PLEKHG7: variants seen among roughly 807,000 people sequenced by gnomAD.
PLEKHG7 encodes pleckstrin homology domain-containing family G member 7.
PLEKHG7 carries 77 observed loss-of-function variants against 85.2 expected under a neutral mutation model. The ratio of observed to expected loss-of-function variants is 0.90; its 90% CI spans 0.75 to 1.09. PLEKHG7 has a LOEUF of 1.09. Ranked by LOEUF, PLEKHG7 falls within the 50% of genes least tolerant of loss-of-function variation. The pLI, the probability that PLEKHG7 is intolerant of heterozygous loss-of-function variation, is 0.00. For missense variants in PLEKHG7, 777 were observed against 804.3 expected (o/e 0.97, Z 0.41); for synonymous variants, 301 against 302.4 (o/e 1.00, Z 0.05).
intron 16 of PLEKHG7, among the ~76,000 whole-genome samples, chr12:92,769,786 A>G (rs145293221): frequency 6.6e-6 from 1 of 152,206 alleles, no homozygotes; most frequent in Non-Finnish European, 1.5e-5. Context: ...TTCAAACTAC[A>G]TATATTCTCA....
intron 13 of PLEKHG7, 113 bp from the exon 14 acceptor site, chr12:92,761,639 A>AAAGG (rs766646399): frequency 0.073 from 36,376 of 496,946 alleles, 2,522 homozygotes; most frequent in Admixed American, 0.079. Flanking sequence ...AGAAAGAAAG[A>AAAGG]AAGAAAGAAA....
chr12:92,749,893 T>TTTTATTTTATTTCA (rs1872637845), intron 10 of PLEKHG7, among the ~76,000 whole-genome samples: 3 of 143,720 alleles, frequency 2.1e-5, no homozygotes, highest in Admixed American at 1.4e-4. Context: ...TTTTATTTTA[T>TTTTATTTTATTTCA]TTTATTTTAT....
chr12:92,761,638 GAAA>G (rs1873016906), intron 13 of PLEKHG7, 111 bp from the exon 14 acceptor site: 26 of 519,418 alleles, frequency 5.0e-5, no homozygotes, highest in Non-Finnish European at 5.5e-5. Flanking sequence ...AAGAAAGAAA[GAAA>G]GAAAGAAAGA....
At chr12:92,732,921 A>C (rs1872033740) in intron 5 of PLEKHG7, among the ~76,000 whole-genome samples, 1 of 152,090 alleles carries the variant, frequency 6.6e-6, no homozygotes, top group Non-Finnish European at 1.5e-5. Flanking sequence ...AAAGGGACTG[A>C]TTTGTGTTCT....
intron 13 of PLEKHG7, among the ~76,000 whole-genome samples, chr12:92,760,638 T>A (rs1428442964): frequency 6.6e-6 from 1 of 152,162 alleles, no homozygotes; most frequent in South Asian, 2.1e-4. Context: ...TCACTTAAAT[T>A]TAACCCTTTT....
At position 92,732,232 on chromosome 12, in the gene PLEKHG7, G is replaced by GA; in HGVS notation, c.660dup (p.Ser221IlefsTer23). On this transcript the variant is annotated frameshift_variant and splice_region_variant. Transcript: ENST00000344636. LOFTEE classifies it high-confidence loss of function. ...AATATATTGTCTTTAATTTCACCCA[G>GA]AATCCAAAAAGCCAAGATGGCCTTT... is the stretch of plus-strand genomic sequence containing the variant. The GA allele has an allele frequency of 8.1e-7, 1 of 1,230,604 alleles. No homozygotes were observed. Among genetic ancestry groups the GA allele is most frequent in the Non-Finnish European group, 1.0e-6 (1 of 986,652 alleles). 76.2% of individuals were successfully genotyped at this position (1,230,604 alleles called of 1,614,324 possible).
chr12:92,741,351 G>A, intron 8 of PLEKHG7, 140 bp from the exon 9 acceptor site: 1 of 460,608 alleles, frequency 2.2e-6, no homozygotes, highest in Non-Finnish European at 3.8e-6. Flanking sequence ...GGAGAGTGGA[G>A]GAAATAAATC....
intron 3 of PLEKHG7, among the ~76,000 whole-genome samples, chr12:92,716,870 T>C (rs950402357): frequency 2.0e-5 from 3 of 152,230 alleles, no homozygotes; most frequent in Non-Finnish European, 4.4e-5. Flanking sequence ...AAGAGTCTAC[T>C]TCCAAAAAGA....
intron 10 of PLEKHG7, 53 bp from the exon 11 acceptor site, chr12:92,754,037 T>C (rs1331345753): frequency 7.7e-6 from 12 of 1,566,296 alleles, no homozygotes; most frequent in Admixed American, 1.7e-5. Context: ...GGCTTCTTAG[T>C]GGCTCAGTGG....
chr12:92,745,667 T>C, intron 10 of PLEKHG7, 76 bp downstream of exon 10: 2 of 938,330 alleles, frequency 2.1e-6, no homozygotes, highest in South Asian at 1.4e-5. Context: ...AATGATTATA[T>C]CTAAATTAAA....
chr12:92,741,423 T>G, intron 8 of PLEKHG7, 68 bp from the exon 9 acceptor site: 1 of 1,002,524 alleles, frequency 1.0e-6, no homozygotes, highest in Non-Finnish European at 1.5e-6. Flanking sequence ...ATACTTGAAG[T>G]TCAACAAATG....
At chr12:92,732,154 G>T (rs1276532484) in intron 4 of PLEKHG7, 79 bp from the exon 5 acceptor site, 2 of 892,492 alleles carry the variant, frequency 2.2e-6, no homozygotes, top group Non-Finnish European at 3.0e-6. Context: ...CAAAAAGCAG[G>T]TTTTGTAAAG....
chr12:92,767,791 A>G (rs1455840647), intron 15 of PLEKHG7, among the ~76,000 whole-genome samples: 1 of 152,212 alleles, frequency 6.6e-6, no homozygotes, highest in African/African-American at 2.4e-5. Context: ...GACAAGCATC[A>G]GCTTAATGAT....
chr12:92,768,671 G>T (rs528313052), intron 15 of PLEKHG7, among the ~76,000 whole-genome samples: 7 of 151,872 alleles, frequency 4.6e-5, no homozygotes, highest in African/African-American at 1.7e-4. Context: ...AAAATCTACC[G>T]CATATGTTTA....
At chr12:92,732,573 A>T (rs1872023658) in intron 5 of PLEKHG7, among the ~76,000 whole-genome samples, 1 of 152,244 alleles carries the variant, frequency 6.6e-6, no homozygotes, top group African/African-American at 2.4e-5. Context: ...CTTAGAAAGC[A>T]GCTCACTCGA....
At chr12:92,718,592 A>G (rs1871553527) in intron 3 of PLEKHG7, among the ~76,000 whole-genome samples, 1 of 152,200 alleles carries the variant, frequency 6.6e-6, no homozygotes, top group African/African-American at 2.4e-5. Context: ...GAAAAATTGT[A>G]TGGTCCCCTT....
At position 92,753,922 on chromosome 12, in the gene PLEKHG7, T is replaced by C. The variant is rs552039150; in HGVS notation, c.1252-168T>C. 2.0e-5 allele frequency among the ~76,000 whole-genome samples: 3 copies of C among 152,372 alleles called. No homozygotes were observed. The East Asian group carries it at 5.8e-4, about 29-fold the overall frequency. On this transcript the variant is annotated intron_variant, in intron 10 of 16. Transcript: ENST00000344636. ...TCTTATCACTACTGCTAATGGAACA[T>C]GCACTTTTCAGGGGATTTAATTTGT... is the stretch of plus-strand genomic sequence containing the variant.
At chr12:92,713,738 C>G (rs1871409657) in intron 3 of PLEKHG7, among the ~76,000 whole-genome samples, 1 of 152,208 alleles carries the variant, frequency 6.6e-6, no homozygotes, top group Non-Finnish European at 1.5e-5. Context: ...TCCCAATCTC[C>G]CTAAGCCTTT....
intron 13 of PLEKHG7, among the ~76,000 whole-genome samples, chr12:92,757,353 A>G (rs1307383515): frequency 6.6e-6 from 1 of 152,220 alleles, no homozygotes; most frequent in Non-Finnish European, 1.5e-5. Context: ...TCATTTCTGC[A>G]CAAAATCTTG....
Sources: gnomAD v4.1 joint callset for allele counts (sites outside exome capture counted in the v4.1 genomes callset) on GRCh38, gnomAD v4.1.1 for gene constraint, MANE v1.5 for transcripts, NCBI Gene and HGNC (gene_info 2026-07-23, HGNC 2026-07-21) for gene names.